The following HSD17B2 variants were observed in gnomAD, a reference collection of about 807,000 sequenced individuals.
The protein encoded by HSD17B2 is hydroxysteroid 17-beta dehydrogenase 2.
Under a neutral mutation model 26.9 loss-of-function variants are expected in HSD17B2, and 32 were observed. The observed-to-expected ratio is 1.19, with a 90% CI of 0.90 to 1.60. The LOEUF is 1.60. Among genes scored for constraint, HSD17B2 ranks in the 40% most tolerant of loss-of-function variants. The pLI is 0.00. For missense variants in HSD17B2, 613 were observed against 468.6 expected (o/e 1.31, Z -2.85); for synonymous variants, 246 against 186.7 (o/e 1.32, Z -2.59).
chr16:82,081,848 T>C (rs1904389786), intron 3 of HSD17B2, among the ~76,000 whole-genome samples: 1 of 152,160 alleles, frequency 6.6e-6, no homozygotes, highest in Non-Finnish European at 1.5e-5. Flanking sequence ...ATCAACCCAA[T>C]TGCCCATCGA....
chr16:82,043,503 T>C (rs910502071), intron 1 of HSD17B2, among the ~76,000 whole-genome samples: 4 of 127,888 alleles, frequency 3.1e-5, no homozygotes, highest in Non-Finnish European at 5.9e-5. Context: ...GCTAACACGG[T>C]GAAACCCCGC....
At chr16:82,048,377 G>A (rs930553354) in intron 1 of HSD17B2, among the ~76,000 whole-genome samples, 2 of 152,146 alleles carry the variant, frequency 1.3e-5, no homozygotes, top group Non-Finnish European at 2.9e-5. Context: ...TGGGGATACC[G>A]ATTAGAGAGA....
rs780338158 is a variant in HSD17B2 at position 82,098,281 on chromosome 16, T to G, written c.1009T>G (p.Tyr337Asp). The G allele has an allele frequency of 6.2e-7, 1 of 1,614,096 alleles. No homozygotes were observed. Among genetic ancestry groups the G allele is most frequent in the African/African-American group, 1.3e-5 (1 of 74,948 alleles). ...TATCTTGGCGAAGAGCCCTTTTGCC[T>G]ATTACACGCCAGGGAAAGGCGCTTA... ...HAILAKSPFA[Y>D]YTPGKGAYLW... Residue 337 changes from tyrosine (Y) to aspartate (D), a missense_variant, in exon 5 of 5, where the codon TAT (tyrosine) becomes GAT (aspartate). Tyr to Asp is a radical substitution (Grantham distance 160). Coordinates refer to ENST00000199936, the MANE Select transcript of HSD17B2 (RefSeq NM_002153.3).
chr16:82,040,674 G>A (rs1913742437), intron 1 of HSD17B2, among the ~76,000 whole-genome samples: 1 of 152,218 alleles, frequency 6.6e-6, no homozygotes, highest in South Asian at 2.1e-4. Context: ...AATTGATTGG[G>A]TGTAGAAGAT....
At position 82,068,155 on chromosome 16, in the gene HSD17B2, C is replaced by T; in HGVS notation, c.266-15C>T. 6.2e-7 allele frequency: 1 copy of T among 1,612,636 alleles called. No homozygotes were observed. Among genetic ancestry groups the T allele is most frequent in the Non-Finnish European group, 8.5e-7 (1 of 1,178,684 alleles). Reference sequence around the variant, plus strand: ...CTGGTTTGACCTCACTCCCTACTCCCCTGACCCTATGCAGGTGGTGATTGC... The same window carrying T: ...CTGGTTTGACCTCACTCCCTACTCCTCTGACCCTATGCAGGTGGTGATTGC... On this transcript the variant is annotated splice_polypyrimidine_tract_variant and intron_variant, in intron 1 of 4. Transcript: ENST00000199936.
chr16:82,094,864 C>A (rs1406187452), intron 4 of HSD17B2: 1 of 152,082 alleles, frequency 6.6e-6, no homozygotes, highest in Non-Finnish European at 1.5e-5. Flanking sequence ...ATCATAATAG[C>A]CCCATCTTGC....
intron 1 of HSD17B2, among the ~76,000 whole-genome samples, chr16:82,058,607 C>T (rs998448415): frequency 2.6e-5 from 4 of 152,158 alleles, no homozygotes; most frequent in African/African-American, 9.7e-5. Context: ...GGCTCACCTA[C>T]CCCACCCATT....
Position 82,071,101 on chromosome 16 carries a change from G to T in HSD17B2, c.638G>T (p.Arg213Met). The change falls in exon 3 of 5, where the codon AGG (arginine) becomes ATG (methionine). Residue 213 changes from arginine to methionine, a missense_variant. Coordinates refer to ENST00000199936, the MANE Select transcript of HSD17B2 (RefSeq NM_002153.3). ...CCTCTTCTTAGAAAATCCAAAGGGAGGCTGGTGAATGTCAGCAGCATGGGA... is the reference window on the plus strand; with the variant it reads ...CCTCTTCTTAGAAAATCCAAAGGGATGCTGGTGAATGTCAGCAGCATGGGA... ...FLPLLRKSKG[R>M]LVNVSSMGGG... 2 of 1,614,192 alleles carry T rather than the reference G, an allele frequency of 1.2e-6. No homozygotes were observed. Among genetic ancestry groups the T allele is most frequent in the Non-Finnish European group, 1.7e-6 (2 of 1,180,044 alleles).
At position 82,098,208 on chromosome 16, in the gene HSD17B2, G is replaced by C. The variant is rs8191245; in HGVS notation, c.936G>C (p.Ser312=). The part of the protein sequence containing the change: ...AQRNFLLLIN[S]LASKDFSPVL... ...GGAATTTCCTCCTATTGATCAACTCGTTAGCCAGCAAGGACTTCTCTCCGG... is the reference window on the plus strand; with the variant it reads ...GGAATTTCCTCCTATTGATCAACTCCTTAGCCAGCAAGGACTTCTCTCCGG... Residue 312 remains serine, a synonymous_variant, in exon 5 of 5, where the codon TCG becomes TCC. Coordinates refer to ENST00000199936, the MANE Select transcript of HSD17B2 (RefSeq NM_002153.3). The C allele has an allele frequency of 5.6e-6, 9 of 1,614,126 alleles. 1 individual carries two copies. Among genetic ancestry groups the C allele is most frequent in the South Asian group, 5.5e-5 (5 of 91,078 alleles).
rs117970115 is a variant in HSD17B2, at chr16:82,085,568, G to T, written c.665-5334G>T. On this transcript the variant is annotated intron_variant, in intron 3 of 4. Coordinates refer to ENST00000199936, the MANE Select transcript of HSD17B2 (RefSeq NM_002153.3). ...GTTAAGCAAGAACATGTCAGACAAGGAGGGGCATAAAAAAAAAAACCCTAA... is the reference window on the plus strand; with the variant it reads ...GTTAAGCAAGAACATGTCAGACAAGTAGGGGCATAAAAAAAAAAACCCTAA... Among the ~76,000 whole-genome samples the T allele has an allele frequency of 6.7e-3, 1,023 of 151,944 alleles. 11 individuals are homozygous for T. The highest frequency in any genetic ancestry group is 0.053 in the South Asian group (253 of 4,794).
At chr16:82,048,776 A>G (rs1008937343) in intron 1 of HSD17B2, among the ~76,000 whole-genome samples, 64 of 152,210 alleles carry the variant, frequency 4.2e-4, no homozygotes, top group African/African-American at 1.4e-3. Flanking sequence ...GAAATCTTCA[A>G]TTGTTTGTGG....
intron 4 of HSD17B2, chr16:82,093,439 G>C (rs1368842746): frequency 6.6e-6 from 1 of 152,172 alleles, no homozygotes; most frequent in Non-Finnish European, 1.5e-5. Context: ...TGTAGCTGTA[G>C]TCCACTCATT....
rs370383920 is a variant in HSD17B2 at position 82,035,610 on chromosome 16, G to A, written c.186G>A (p.Ser62=). ...LSPFWGLILF[S]VSCFLMYTYL... ...CTTTTTGGGGCTTGATCCTCTTCTC[G>A]GTGTCATGCTTCCTCATGTATACTT... is the stretch of plus-strand genomic sequence containing the variant. The change falls in exon 1 of 5, where the codon TCG becomes TCA. Residue 62 remains serine (S), a synonymous_variant. Coordinates refer to ENST00000199936, the MANE Select transcript of HSD17B2 (RefSeq NM_002153.3). The A allele has an allele frequency of 3.0e-5, 49 of 1,613,674 alleles. No homozygotes were observed. Among genetic ancestry groups the A allele is most frequent in the African/African-American group, 1.7e-4 (13 of 74,880 alleles).
chr16:82,090,813 C>A, intron 3 of HSD17B2, 89 bp from the exon 4 acceptor site: 1 of 1,278,178 alleles, frequency 7.8e-7, no homozygotes, highest in Non-Finnish European at 1.1e-6. Flanking sequence ...ATACCAGTTC[C>A]TACATACAGT....
chr16:82,075,444 C>T (rs145914852), intron 3 of HSD17B2, among the ~76,000 whole-genome samples: 50 of 151,854 alleles, frequency 3.3e-4, no homozygotes, highest in African/African-American at 1.2e-3. Context: ...ACAAAATTGA[C>T]AAACTTTTAA....
intron 1 of HSD17B2, among the ~76,000 whole-genome samples, chr16:82,041,307 G>A (rs1183192891): frequency 6.6e-6 from 1 of 152,204 alleles, no homozygotes; most frequent in Non-Finnish European, 1.5e-5. Context: ...TCCTTTTCAT[G>A]GTCGTTAGTT....
intron 1 of HSD17B2, chr16:82,052,491 G>C (rs1914137231): frequency 6.6e-6 from 1 of 152,176 alleles, no homozygotes; most frequent in Non-Finnish European, 1.5e-5. Flanking sequence ...GTTCTAGTTT[G>C]CTCATAGCAT....
At chr16:82,085,779 T>C (rs966017622) in intron 3 of HSD17B2, among the ~76,000 whole-genome samples, 7 of 152,236 alleles carry the variant, frequency 4.6e-5, no homozygotes, top group Admixed American at 3.9e-4. Context: ...TGAGTGATGT[T>C]GGCGGTACTA....
intron 3 of HSD17B2, among the ~76,000 whole-genome samples, chr16:82,075,821 T>G (rs1904297971): frequency 6.6e-6 from 1 of 151,676 alleles, no homozygotes; most frequent in South Asian, 2.1e-4. Context: ...TACTCGAGTA[T>G]TCTGAAAAAT....
Sources: allele counts gnomAD v4.1 joint callset (sites outside exome capture counted in the v4.1 genomes callset), GRCh38; gene constraint gnomAD v4.1.1; transcripts MANE v1.5; gene names NCBI Gene and HGNC (gene_info 2026-07-23, HGNC 2026-07-21).